ROBO2: variants seen among roughly 807,000 people sequenced by gnomAD.
ROBO2 encodes roundabout homolog 2.
ROBO2 carries 53 observed loss-of-function variants against 160.8 expected under a neutral mutation model. That is an observed-to-expected ratio of 0.33 (90% CI 0.26 to 0.41). ROBO2 has a LOEUF of 0.41. ROBO2 is among the 10% of genes least tolerant of loss of function. The pLI is 1.00. For missense variants in ROBO2, 1,577 were observed against 1,722.4 expected (o/e 0.92, Z 1.49); for synonymous variants, 664 against 611.7 (o/e 1.09, Z -1.26).
At chr3:76,638,254 C>T (rs775421991) in intron 2 of ROBO2, among the ~76,000 whole-genome samples, 2 of 152,124 alleles carry the variant, frequency 1.3e-5, no homozygotes, top group African/African-American at 4.8e-5. Context: ...ATGAAAGAGA[C>T]AGTCCTATCA....
At chr3:76,899,955 A>G (rs2075100336) in intron 2 of ROBO2, among the ~76,000 whole-genome samples, 1 of 152,124 alleles carries the variant, frequency 6.6e-6, no homozygotes, top group Non-Finnish European at 1.5e-5. Context: ...CTGTTTTCAC[A>G]CTGCTGATAA....
intron 2 of ROBO2, among the ~76,000 whole-genome samples, chr3:77,419,832 C>T (rs2077557618): frequency 6.6e-6 from 1 of 151,962 alleles, no homozygotes; most frequent in Non-Finnish European, 1.5e-5. Flanking sequence ...CTAGAAAAGC[C>T]TAATATTTTT....
intron 1 of ROBO2, among the ~76,000 whole-genome samples, chr3:75,911,564 T>C (rs1267451255): frequency 1.5e-5 from 2 of 135,986 alleles, no homozygotes; most frequent in African/African-American, 5.4e-5. Flanking sequence ...TTTTTTTTTT[T>C]TTTTTTTTTT....
chr3:76,706,288 G>C (rs2093161633), intron 2 of ROBO2, among the ~76,000 whole-genome samples: 1 of 151,982 alleles, frequency 6.6e-6, no homozygotes, highest in Non-Finnish European at 1.5e-5. Context: ...CTTGCTTACA[G>C]TTCCTTTGTT....
At chr3:76,061,650 A>G (rs1559878553) in intron 2 of ROBO2, among the ~76,000 whole-genome samples, 1 of 152,208 alleles carries the variant, frequency 6.6e-6, no homozygotes, top group Non-Finnish European at 1.5e-5. Flanking sequence ...TCCCTCCTGG[A>G]GAAAGTAAAG....
At position 76,244,785 on chromosome 3, in the gene ROBO2, C is replaced by T. The variant is rs112512129; in HGVS notation, c.109+307183C>T. On this transcript the variant is annotated intron_variant, in intron 2 of 26. Transcript: ENST00000487694. ...AATGGGTGTGTTAGAATAGACAATA[C>T]TGAAGGTCTTTTCTAATTACAAAAT... Among the ~76,000 whole-genome samples the T allele has an allele frequency of 1.4e-3, 218 of 152,216 alleles. 1 individual carries two copies. The highest frequency in any genetic ancestry group is 3.8e-3 in the African/African-American group (158 of 41,526).
chr3:77,206,015 C>T (rs1275673529), intron 2 of ROBO2, among the ~76,000 whole-genome samples: 1 of 152,070 alleles, frequency 6.6e-6, no homozygotes, highest in Non-Finnish European at 1.5e-5. Flanking sequence ...GAGGAAGGAT[C>T]CTTCTTTGTG....
chr3:77,426,942 A>G, intron 2 of ROBO2, among the ~76,000 whole-genome samples: 1 of 152,184 alleles, frequency 6.6e-6, no homozygotes, highest in Non-Finnish European at 1.5e-5. Flanking sequence ...AAATCTGATG[A>G]AAGTGTTTGA....
intron 2 of ROBO2, among the ~76,000 whole-genome samples, chr3:77,224,090 T>A (rs960516235): frequency 1.3e-5 from 2 of 152,060 alleles, no homozygotes; most frequent in African/African-American, 4.8e-5. Flanking sequence ...TTTAGAGTAC[T>A]TCTAACCAAT....
At chr3:77,387,829 C>T (rs2074295020) in intron 2 of ROBO2, among the ~76,000 whole-genome samples, 3 of 152,064 alleles carry the variant, frequency 2.0e-5, no homozygotes, top group Admixed American at 1.3e-4. Flanking sequence ...CCTAGCTGCT[C>T]CTTTTGTTCT....
intron 2 of ROBO2, among the ~76,000 whole-genome samples, chr3:77,398,520 G>A (rs2153508006): frequency 1.3e-5 from 2 of 152,018 alleles, no homozygotes; most frequent in East Asian, 3.9e-4. Flanking sequence ...TTTGGTAAAG[G>A]GCTTTCTCTT....
intron 2 of ROBO2, among the ~76,000 whole-genome samples, chr3:76,650,431 A>C (rs375224907): frequency 1.3e-4 from 20 of 151,022 alleles, no homozygotes; most frequent in African/African-American, 4.1e-4. Flanking sequence ...GTTTTACCAA[A>C]TAAGTTTCTT....
chr3:76,426,571 G>A (rs1356384920), intron 2 of ROBO2, among the ~76,000 whole-genome samples: 1 of 152,132 alleles, frequency 6.6e-6, no homozygotes, highest in Non-Finnish European at 1.5e-5. Context: ...CAGACCGTAA[G>A]GGAAAGATAC....
At chr3:77,127,731 A>G (rs1390837565) in intron 2 of ROBO2, among the ~76,000 whole-genome samples, 1 of 152,094 alleles carries the variant, frequency 6.6e-6, no homozygotes, top group African/African-American at 2.4e-5. Flanking sequence ...ATTCCCTTGT[A>G]GGTTGTGTTA....
At chr3:76,077,659 TA>T (rs2068686741) in intron 2 of ROBO2, among the ~76,000 whole-genome samples, 2 of 152,136 alleles carry the variant, frequency 1.3e-5, no homozygotes, top group East Asian at 3.9e-4. Context: ...TACTATTATT[TA>T]AAAAAAGAAG....
At chr3:77,634,674 T>C (rs2095232475) in intron 23 of ROBO2, 196 bp from the exon 25 acceptor site, 3 of 602,736 alleles carry the variant, frequency 5.0e-6, no homozygotes, top group Non-Finnish European at 5.9e-6. Context: ...GTTGTTAGCT[T>C]ATTAAAAATT....
At chr3:76,683,197 G>A (rs919325085) in intron 2 of ROBO2, among the ~76,000 whole-genome samples, 4 of 151,858 alleles carry the variant, frequency 2.6e-5, no homozygotes, top group Non-Finnish European at 5.9e-5. Context: ...TAATTACCAA[G>A]GACAATGAAA....
At chr3:76,610,676 G>A (rs1234816480) in intron 2 of ROBO2, among the ~76,000 whole-genome samples, 3 of 556 alleles carry the variant, frequency 5.4e-3, no homozygotes, top group East Asian at 0.17. Flanking sequence ...CTCACTGCGC[G>A]TCCTGTGTGG....
intron 2 of ROBO2, among the ~76,000 whole-genome samples, chr3:77,148,204 A>C (rs2077263902): frequency 6.6e-6 from 1 of 152,184 alleles, no homozygotes; most frequent in Non-Finnish European, 1.5e-5. Context: ...GCCTTCACCC[A>C]CTCCTTAAGC....
Sources: gnomAD v4.1 joint callset for allele counts (sites outside exome capture counted in the v4.1 genomes callset) on GRCh38, gnomAD v4.1.1 for gene constraint, MANE v1.5 for transcripts, NCBI Gene and HGNC (gene_info 2026-07-23, HGNC 2026-07-21) for gene names.